Variants in LTO1 observed in about 807,000 individuals in gnomAD.
LTO1 encodes protein LTO1 homolog.
Under a neutral mutation model 19.8 loss-of-function variants are expected in LTO1, and 18 were observed. That is an observed-to-expected ratio of 0.91 (90% CI 0.63 to 1.35). The LOEUF is 1.35. LTO1 is among the 40% of genes most tolerant of loss of function. LTO1 has a pLI of 0.00. For missense variants in LTO1, 175 were observed against 167.9 expected (o/e 1.04, Z -0.23); for synonymous variants, 59 against 59.6 (o/e 0.99, Z 0.05).
intron 1 of LTO1, chr11:69,674,660 C>T: frequency 2.4e-6 from 1 of 415,884 alleles, no homozygotes; most frequent in Non-Finnish European, 4.8e-6. Context: ...CGGCCGCTTT[C>T]TTAACTAACA....
chr11:69,673,300 C>T lies in LTO1; in HGVS notation c.72G>A (p.Arg24=), dbSNP rs543286020. Residue 24 remains arginine, a synonymous_variant, in exon 2 of 5, where the codon CGG becomes CGA. Coordinates refer to ENST00000279147, the MANE Select transcript of LTO1 (RefSeq NM_153451.3). The part of the protein sequence containing the change: ...ADERFHGEGY[R]EGYEEGSSLG... ...AACTACTGCCTTCTTCATAGCCTTC[C>T]CGATACCCTTCCCCATGAAACCTGT... 8.8e-4 allele frequency: 1,421 copies of T among 1,610,732 alleles called. 26 individuals carry two copies. The South Asian group carries it at 0.015, about 17-fold the overall frequency.
chr11:69,669,048 T>C (rs1357596095), intron 3 of LTO1, among the ~76,000 whole-genome samples: 1 of 144,284 alleles, frequency 6.9e-6, no homozygotes, highest in East Asian at 2.0e-4. Flanking sequence ...AAAAAAAAAA[T>C]TGACATGAAG....
Position 69,665,778 on chromosome 11 carries a change from G to C in LTO1, c.*1741C>G, listed in dbSNP as rs1223159515. The stretch of plus-strand genomic sequence containing the variant: ...TGCCAGCACAGACTTCCCCAGACCT[G>C]AGGTGACGCTACAAACGAGCGGTGC... On this transcript the variant is annotated 3_prime_UTR_variant, in exon 5 of 5. Transcript: ENST00000279147. 2 of 152,146 alleles carry C rather than the reference G, an allele frequency of 1.3e-5. No individual in the cohort carries two copies. Among genetic ancestry groups the C allele is most frequent in the Non-Finnish European group, 2.9e-5 (2 of 68,024 alleles). The allele number at this position is 152,146 out of a possible 1,614,324, so 9.4% of individuals were successfully genotyped here.
chr11:69,668,133 A>T, intron 3 of LTO1, 121 bp from the exon 4 acceptor site: 1 of 667,610 alleles, frequency 1.5e-6, no homozygotes. Context: ...TTCGTTCAAA[A>T]GCTGGATGAT....
intron 3 of LTO1, among the ~76,000 whole-genome samples, chr11:69,670,815 G>C (rs1459548890): frequency 6.6e-6 from 1 of 152,150 alleles, no homozygotes; most frequent in Non-Finnish European, 1.5e-5. Flanking sequence ...ACCATCTCAA[G>C]GGTTCATTTC....
chr11:69,674,810 C>A (rs1856164172), intron 1 of LTO1: 2 of 490,996 alleles, frequency 4.1e-6, no homozygotes, highest in Non-Finnish European at 8.0e-6. Context: ...ATCAGCACAT[C>A]CATGAATACT....
In LTO1 at chr11:69,673,223, C is replaced by A. The variant is rs747893051; in HGVS notation, c.149G>T (p.Gly50Val). 2 of 1,597,662 alleles carry A rather than the reference C, an allele frequency of 1.3e-6. No individual in the cohort carries two copies. Among genetic ancestry groups the A allele is most frequent in the Admixed American group, 1.7e-5 (1 of 60,000 alleles). The change falls in exon 2 of 5, where the codon GGG becomes GTG. Residue 50 changes from glycine (G) to valine (V), a missense_variant. Physicochemically the swap from Gly to Val is moderately radical, Grantham distance 109 (BLOSUM62 -3). Transcript: ENST00000279147. ...QHGTLHGAKI[G>V]SEIGCYQGFA... ...ATGGGGGTTCCCACTTACCTCAGAC[C>A]CGATTTTGGCTCCATGCAGCGTGCC...
At chr11:69,669,263 G>A (rs368588503) in intron 3 of LTO1, among the ~76,000 whole-genome samples, 3 of 152,230 alleles carry the variant, frequency 2.0e-5, no homozygotes, top group African/African-American at 7.2e-5. Context: ...TGGACCATGT[G>A]AGTGGCCAGA....
intron 2 of LTO1, chr11:69,672,116 G>A (rs1856118546): frequency 2.7e-6 from 1 of 372,500 alleles, no homozygotes; most frequent in South Asian, 2.5e-5. Context: ...ACAGCACAAA[G>A]CTCCTGAGTC....
At chr11:69,669,932 GT>G (rs1856084932) in intron 3 of LTO1, among the ~76,000 whole-genome samples, 1 of 151,662 alleles carries the variant, frequency 6.6e-6, no homozygotes, top group South Asian at 2.1e-4. Context: ...GGTGGCAGGT[GT>G]TTTTCTCTTA....
In LTO1 at chr11:69,675,242, C is replaced by A. The variant is rs1189050059; in HGVS notation, c.-3G>T. On this transcript the variant is annotated 5_prime_UTR_variant, in exon 1 of 5. Coordinates refer to ENST00000279147, the MANE Select transcript of LTO1 (RefSeq NM_153451.3). The stretch of plus-strand genomic sequence containing the variant: ...AATATGTCCTGACTGCCAGCCATAG[C>A]GGCAAGCAGCCCGCCCTTGGCCCCC... 3 of 1,497,156 alleles carry A rather than the reference C, an allele frequency of 2.0e-6. No homozygotes were observed. The highest frequency in any genetic ancestry group is 1.4e-5 in the South Asian group (1 of 73,628). 92.7% of individuals were successfully genotyped at this position (1,497,156 alleles called of 1,614,324 possible). A position where few individuals can be genotyped will look rare whatever the true frequency, so the allele number is the denominator to read the frequency against.
In LTO1 at chr11:69,675,206, C is replaced by A; in HGVS notation, c.34G>T (p.Val12Leu). ...AGSQDIFDAI[V>L]MADERFHGEG... ...ACCACCCACCTCTCATCCGCCATCA[C>A]GATGGCATCGAATATGTCCTGACTG... The change falls in exon 1 of 5, where the codon GTG (valine) becomes TTG (leucine). Residue 12 changes from valine (V) to leucine (L), a missense_variant. Physicochemically the swap from Val to Leu is conservative, Grantham distance 32 (BLOSUM62 1). Transcript: ENST00000279147. The A allele has an allele frequency of 6.4e-7, 1 of 1,556,036 alleles. No homozygotes were observed. Among genetic ancestry groups the A allele is most frequent in the Non-Finnish European group, 8.6e-7 (1 of 1,157,074 alleles).
In LTO1 at chr11:69,666,996, G is replaced by C. The variant is rs1171402006; in HGVS notation, c.*523C>G. ...CTCCCCTCCCTCCTCTGTAAAATGA[G>C]AATAACACCCATCTTGTGGGCTCCT... On this transcript the variant is annotated 3_prime_UTR_variant, in exon 5 of 5. Transcript: ENST00000279147. 1 of 153,084 alleles carries C rather than the reference G, an allele frequency of 6.5e-6. No individual in the cohort carries two copies. The highest frequency in any genetic ancestry group is 2.4e-5 in the African/African-American group (1 of 41,450). The allele number at this position is 153,084 out of a possible 1,614,324, so 9.5% of individuals were successfully genotyped here.
At chr11:69,669,745 G>A (rs1000858545) in intron 3 of LTO1, among the ~76,000 whole-genome samples, 1 of 152,156 alleles carries the variant, frequency 6.6e-6, no homozygotes, top group Admixed American at 6.5e-5. Context: ...GCTCAGCCCC[G>A]GTGCGCGCTG....
intron 1 of LTO1, among the ~76,000 whole-genome samples, chr11:69,674,059 T>C (rs1299254848): frequency 2.0e-5 from 3 of 152,030 alleles, no homozygotes; most frequent in Non-Finnish European, 2.9e-5. Context: ...TTCACCATGT[T>C]AGCTAGGATG....
rs773750099 is a variant in LTO1 at position 69,667,891 on chromosome 11, G to C, written c.345+4C>G. On this transcript the variant is annotated splice_donor_region_variant and intron_variant, in intron 4 of 4. Transcript: ENST00000279147. Reference sequence around the variant, plus strand: ...TAGCAGGAGGAAACACACAGTGCACGCACCTGTTTAAATTTTCCTCTGATC... The same window carrying C: ...TAGCAGGAGGAAACACACAGTGCACCCACCTGTTTAAATTTTCCTCTGATC... The C allele has an allele frequency of 7.0e-6, 9 of 1,290,298 alleles. No individual in the cohort carries two copies. The highest frequency in any genetic ancestry group is 1.0e-5 in the Non-Finnish European group (9 of 883,950). 79.9% of individuals were successfully genotyped at this position (1,290,298 alleles called of 1,614,324 possible).
At position 69,673,236 on chromosome 11, in the gene LTO1, C is replaced by G; in HGVS notation, c.136G>C (p.Gly46Arg). The change falls in exon 2 of 5, where the codon GGA becomes CGA. Residue 46 changes from glycine (G) to arginine (R), a missense_variant. Gly to Arg is a moderately radical substitution (Grantham distance 125, BLOSUM62 -2). Transcript: ENST00000279147. ...CTTACCTCAGACCCGATTTTGGCTC[C>G]ATGCAGCGTGCCATGCTGCCTTCCC... ...MEGRQHGTLH[G>R]AKIGSEIGCY... is the part of the protein sequence containing the mutation. 1 of 1,609,390 alleles carries G rather than the reference C, an allele frequency of 6.2e-7. No homozygotes were observed.
At chr11:69,671,595 A>C (rs2119846422) in intron 3 of LTO1, 154 bp downstream of exon 3, 1 of 618,932 alleles carries the variant, frequency 1.6e-6, no homozygotes, top group Non-Finnish European at 2.9e-6. Context: ...TATTTCCGTT[A>C]AATCTCCTAA....
chr11:69,666,278 G>A lies in LTO1; in HGVS notation c.*1241C>T, dbSNP rs1206256694. ...TTAGGCAGCACAACACAATCCACTA[G>A]GACATTCGGGAATGGTTTTAAAACC... On this transcript the variant is annotated 3_prime_UTR_variant, in exon 5 of 5. Transcript: ENST00000279147. 1 of 152,078 alleles carries A rather than the reference G, an allele frequency of 6.6e-6. No homozygotes were observed. The highest frequency in any genetic ancestry group is 2.4e-5 in the African/African-American group (1 of 41,424). 9.4% of individuals were successfully genotyped at this position (152,078 alleles called of 1,614,324 possible). A position where few individuals can be genotyped will look rare whatever the true frequency, so the allele number is the denominator to read the frequency against.
Sources: allele counts gnomAD v4.1 joint callset (sites outside exome capture counted in the v4.1 genomes callset), GRCh38; gene constraint gnomAD v4.1.1; transcripts MANE v1.5; gene names NCBI Gene and HGNC (gene_info 2026-07-23, HGNC 2026-07-21).